Variants in TANC1 observed in about 807,000 individuals in gnomAD.
The protein encoded by TANC1 is protein TANC1.
Under a neutral mutation model 149.7 loss-of-function variants are expected in TANC1, and 77 were observed. The ratio of observed to expected loss-of-function variants is 0.51; its 90% CI spans 0.43 to 0.62. The LOEUF (loss-of-function observed/expected upper bound fraction) is 0.62. Ranked by LOEUF, TANC1 falls within the 20% of genes least tolerant of loss-of-function variation. TANC1 has a pLI of 0.00. For missense variants in TANC1, 1,985 were observed against 2,321.8 expected (o/e 0.85, Z 2.98); for synonymous variants, 854 against 925.0 (o/e 0.92, Z 1.39).
chr2:159,205,104 G>A (rs751512632), intron 19 of TANC1, among the ~76,000 whole-genome samples: 8 of 152,210 alleles, frequency 5.3e-5, no homozygotes, highest in Admixed American at 3.9e-4. Context: ...ATTGGGCTGC[G>A]AAGCTGGGTC....
chr2:158,996,134 T>G (rs1158498042), intron 1 of TANC1, among the ~76,000 whole-genome samples: 1 of 152,262 alleles, frequency 6.6e-6, no homozygotes, highest in Non-Finnish European at 1.5e-5. Flanking sequence ...GAGGACTGTT[T>G]GAGCCCAGGA....
chr2:158,989,090 C>T (rs1327470440), intron 1 of TANC1, among the ~76,000 whole-genome samples: 1 of 152,102 alleles, frequency 6.6e-6, no homozygotes, highest in Admixed American at 6.6e-5. Context: ...GGAAATAAGC[C>T]TCACTATTGC....
At chr2:159,049,414 G>C (rs936872973) in intron 2 of TANC1, among the ~76,000 whole-genome samples, 9 of 152,180 alleles carry the variant, frequency 5.9e-5, no homozygotes, top group Non-Finnish European at 1.3e-4. Context: ...TAGAAAGGGA[G>C]GGAGGAGAGT....
At chr2:159,054,711 G>A (rs776298575) in intron 2 of TANC1, among the ~76,000 whole-genome samples, 19 of 152,160 alleles carry the variant, frequency 1.2e-4, no homozygotes, top group Non-Finnish European at 2.4e-4. Context: ...CATTGATTGA[G>A]TGCCTTTTAA....
chr2:158,995,836 G>A (rs1455607709), intron 1 of TANC1, among the ~76,000 whole-genome samples: 2 of 151,964 alleles, frequency 1.3e-5, no homozygotes, highest in Admixed American at 1.3e-4. Context: ...TGCTCATCTC[G>A]GATTACAGCC....
chr2:159,012,029 G>T (rs1322754622), intron 2 of TANC1, among the ~76,000 whole-genome samples: 2 of 152,136 alleles, frequency 1.3e-5, no homozygotes, highest in Non-Finnish European at 2.9e-5. Flanking sequence ...GGGGGCTAGT[G>T]ACAGGCCAGA....
Position 159,161,602 on chromosome 2 carries a change from G to A in TANC1, c.683-1681G>A, listed in dbSNP as rs778881398. On this transcript the variant is annotated intron_variant, in intron 7 of 26. Transcript: ENST00000263635. ...ACTTCTAGCATATAGCAAACCTTCA[G>A]TAAATGCTAGCTTCTGCTGTCAACA... Among the ~76,000 whole-genome samples, 20 of 152,204 alleles carry A rather than the reference G, an allele frequency of 1.3e-4. 1 individual carries two copies. Among genetic ancestry groups the A allele is most frequent in the South Asian group, 2.1e-4 (1 of 4,830 alleles).
intron 4 of TANC1, among the ~76,000 whole-genome samples, chr2:159,122,582 C>T (rs1005930830): frequency 2.6e-5 from 4 of 152,096 alleles, no homozygotes; most frequent in Non-Finnish European, 5.9e-5. Flanking sequence ...CCTCATGCTG[C>T]TCCTTTGTAG....
chr2:159,084,610 TAGTG>T (rs1490391312), intron 3 of TANC1, among the ~76,000 whole-genome samples: 1 of 152,146 alleles, frequency 6.6e-6, no homozygotes, highest in African/African-American at 2.4e-5. Context: ...TTTGAGTAGT[TAGTG>T]AGGGGGTGGT....
chr2:159,136,047 T>TGTGTGTGTGTGTGTGTGTGTGTGTGTGA, intron 4 of TANC1, 147 bp from the exon 5 acceptor site: 1 of 210,232 alleles, frequency 4.8e-6, no homozygotes, highest in Non-Finnish European at 9.1e-6. Flanking sequence ...TGTGTGTGTG[T>TGTGTGTGTGTGTGTGTGTGTGTGTGTGA]GTGCGCGCGC....
At chr2:159,226,979 A>G (rs2060058130) in intron 24 of TANC1, 1 of 152,242 alleles carries the variant, frequency 6.6e-6, no homozygotes, top group Non-Finnish European at 1.5e-5. Flanking sequence ...CTGTGATTAG[A>G]CAGAATTAAA....
At chr2:159,052,887 G>A (rs1162881554) in intron 2 of TANC1, among the ~76,000 whole-genome samples, 3 of 152,214 alleles carry the variant, frequency 2.0e-5, no homozygotes, top group East Asian at 1.9e-4. Context: ...TTATTTATGC[G>A]TTAAGCATAC....
chr2:158,993,114 G>A (rs1048105597), intron 1 of TANC1, among the ~76,000 whole-genome samples: 11 of 152,180 alleles, frequency 7.2e-5, no homozygotes, highest in Admixed American at 1.3e-4. Context: ...GCGTTTTAAG[G>A]TGTAGGTAAA....
chr2:159,092,169 C>T lies in TANC1; in HGVS notation c.62-5468C>T, dbSNP rs1369191598. ...ATTCTAAGCTTCTATCGCCCCACCC[C>T]ACCTCAGCCACTTCAGTGGCACAAT... is the stretch of plus-strand genomic sequence containing the variant. On this transcript the variant is annotated intron_variant, in intron 3 of 26. Transcript: ENST00000263635. Among the ~76,000 whole-genome samples the T allele has an allele frequency of 5.9e-5, 9 of 152,216 alleles. No homozygotes were observed. The East Asian group carries it at 1.7e-3, about 29-fold the overall frequency.
chr2:159,029,122 T>C (rs1273283757), intron 2 of TANC1, among the ~76,000 whole-genome samples: 1 of 152,210 alleles, frequency 6.6e-6, no homozygotes, highest in Middle Eastern at 3.2e-3. Flanking sequence ...TGTGACTGTT[T>C]TATTTCTCTT....
intron 2 of TANC1, among the ~76,000 whole-genome samples, chr2:159,043,751 TCA>T (rs1282722741): frequency 2.6e-5 from 4 of 152,220 alleles, no homozygotes; most frequent in Non-Finnish European, 5.9e-5. Context: ...GATAAAATTT[TCA>T]CATTTTTAAT....
At chr2:159,213,313 C>G (rs1027459221) in intron 19 of TANC1, among the ~76,000 whole-genome samples, 2 of 151,952 alleles carry the variant, frequency 1.3e-5, no homozygotes, top group African/African-American at 4.8e-5. Context: ...GAGACTACAG[C>G]GAGAATTCCT....
chr2:159,053,779 C>CT (rs1159581455), intron 2 of TANC1, among the ~76,000 whole-genome samples: 5 of 152,206 alleles, frequency 3.3e-5, no homozygotes, highest in Middle Eastern at 3.2e-3. Flanking sequence ...ACAAAGGTGT[C>CT]TGTCTCCCCA....
chr2:159,040,377 C>T lies in TANC1; in HGVS notation c.-15-25519C>T, dbSNP rs2040533877. Among the ~76,000 whole-genome samples, 2 of 152,166 alleles carry T rather than the reference C, an allele frequency of 1.3e-5. 1 individual carries two copies. The highest frequency in any genetic ancestry group is 1.3e-4 in the Admixed American group (2 of 15,274). ...GTTTTTCAGCTTGGTTACATTGTCC[C>T]CATCACTTTCAGGTATACCAATCAA... On this transcript the variant is annotated intron_variant, in intron 2 of 26. Transcript: ENST00000263635.
Sources: gnomAD v4.1 joint callset for allele counts (sites outside exome capture counted in the v4.1 genomes callset) on GRCh38, gnomAD v4.1.1 for gene constraint, MANE v1.5 for transcripts, NCBI Gene and HGNC (gene_info 2026-07-23, HGNC 2026-07-21) for gene names.